The following CEP164 variants were observed in gnomAD, a reference collection of about 807,000 sequenced individuals.
The protein encoded by CEP164 is centrosomal protein of 164 kDa.
CEP164 carries 162 observed loss-of-function variants against 182.7 expected under a neutral mutation model. That is an observed-to-expected ratio of 0.89 (90% CI 0.78 to 1.01). CEP164 has a LOEUF of 1.01. Among genes scored for constraint, CEP164 ranks in the 50% least tolerant of loss-of-function variants. CEP164 has a pLI of 0.00. For synonymous variants in CEP164, 661 were observed against 690.0 expected, an observed-to-expected ratio of 0.96 and a Z score of 0.66; for missense variants, 1,735 against 1,790.4, an observed-to-expected ratio of 0.97 and a Z score of 0.56.
chr11:117,329,050 T>C (rs2035784959), intron 1 of CEP164, among the ~76,000 whole-genome samples: 1 of 152,226 alleles, frequency 6.6e-6, no homozygotes, highest in Non-Finnish European at 1.5e-5. Context: ...GCCTCAGTTC[T>C]TGTCCTCCTG....
intron 27 of CEP164, among the ~76,000 whole-genome samples, chr11:117,400,591 C>T (rs1181242346): frequency 6.6e-6 from 1 of 152,132 alleles, no homozygotes; most frequent in African/African-American, 2.4e-5. Flanking sequence ...TGGTCATTTT[C>T]ACAATATTGA....
chr11:117,397,185 C>A lies in CEP164; in HGVS notation c.3373C>A (p.Arg1125=), dbSNP rs372830445. The change falls in exon 27 of 33, where the codon CGG becomes AGG. Residue 1125 remains arginine (R), a synonymous_variant. Coordinates refer to ENST00000278935, the MANE Select transcript of CEP164 (RefSeq NM_014956.5). ...EFLVQQTRSM[R]RRQTALKAAQ... ...CCTTGTGCAGCAGACACGCTCCATG[C>A]GGAGGCGGCAGACAGCTCTGAAAGC... The A allele has an allele frequency of 1.2e-5, 19 of 1,614,044 alleles. No individual in the cohort carries two copies. In the East Asian group the frequency reaches 1.3e-4, roughly 11 times the overall value.
At chr11:117,357,471 G>A (rs1240794989) in intron 5 of CEP164, among the ~76,000 whole-genome samples, 1 of 150,552 alleles carries the variant, frequency 6.6e-6, no homozygotes, top group Non-Finnish European at 1.5e-5. Context: ...GCCCAGGCTG[G>A]AGTGCAATGG....
intron 23 of CEP164, 125 bp downstream of exon 23, chr11:117,395,316 G>GT (rs1201354505): frequency 8.1e-7 from 1 of 1,240,788 alleles, no homozygotes; most frequent in East Asian, 2.5e-5. Flanking sequence ...CTGTTGGCCA[G>GT]TATTCCACAA....
chr11:117,348,303 T>TA (rs111983606), intron 4 of CEP164, among the ~76,000 whole-genome samples: 1 of 152,002 alleles, frequency 6.6e-6, no homozygotes, highest in Non-Finnish European at 1.5e-5. Flanking sequence ...AATTGTCAAT[T>TA]AAAAAAAATC....
Position 117,409,206 on chromosome 11 carries a change from C to T in CEP164, c.3748+178C>T, listed in dbSNP as rs146279809. 5.1e-5 allele frequency: 42 copies of T among 825,106 alleles called. No homozygotes were observed. The African/African-American group carries it at 5.7e-4, about 11-fold the overall frequency. The allele number at this position is 825,106 out of a possible 1,614,324, so 51.1% of individuals were successfully genotyped here. A position where few individuals can be genotyped will look rare whatever the true frequency, so the allele number is the denominator to read the frequency against. On this transcript the variant is annotated intron_variant, in intron 29 of 32. Coordinates refer to ENST00000278935, the MANE Select transcript of CEP164 (RefSeq NM_014956.5). The surrounding 1 kb of genome is among the most constrained non-coding windows in gnomAD (Gnocchi z 4.4). ...ATCACACCATCTAGGTTTGCCAGCA[C>T]GTGGGGCTGAAAGGTCAGGGAAGCC...
chr11:117,392,502 T>C lies in CEP164; in HGVS notation c.2368T>C (p.Ser790Pro). 1 of 1,613,740 alleles carries C rather than the reference T, an allele frequency of 6.2e-7. No individual in the cohort carries two copies. Among genetic ancestry groups the C allele is most frequent in the South Asian group, 1.1e-5 (1 of 91,016 alleles). The part of the protein sequence containing the change: ...SLEAKHREVV[S>P]SLQKKIQEAQ... ...TGTGCGGGGGCCTCCTCAGGTGGTC[T>C]CCAGCCTCCAGAAGAAGATACAGGA... The change falls in exon 19 of 33, where the codon TCC (serine) becomes CCC (proline). Residue 790 changes from serine to proline, a missense_variant. Transcript: ENST00000278935.
chr11:117,373,947 A>G (rs1256242798), intron 10 of CEP164, 116 bp downstream of exon 10: 1 of 789,714 alleles, frequency 1.3e-6, no homozygotes, highest in Non-Finnish European at 2.1e-6. Flanking sequence ...TTTCGAACTC[A>G]TGCTTGAGTC....
intron 9 of CEP164, among the ~76,000 whole-genome samples, chr11:117,371,810 T>TC (rs59064485): frequency 4.6e-5 from 7 of 150,784 alleles, no homozygotes; most frequent in South Asian, 2.1e-4. Context: ...TTTTTTTTTT[T>TC]CTGTTGTTTT....
Position 117,391,088 on chromosome 11 carries a change from G to A in CEP164, c.2156G>A (p.Arg719Lys), listed in dbSNP as rs1565573660. 1 of 1,614,132 alleles carries A rather than the reference G, an allele frequency of 6.2e-7. No individual in the cohort carries two copies. Among genetic ancestry groups the A allele is most frequent in the Non-Finnish European group, 8.5e-7 (1 of 1,180,028 alleles). The change falls in exon 17 of 33, where the codon AGG (arginine) becomes AAG (lysine). Residue 719 changes from arginine to lysine, a missense_variant. By Grantham distance (26) the Arg-to-Lys change is conservative. Coordinates refer to ENST00000278935, the MANE Select transcript of CEP164 (RefSeq NM_014956.5). Reference sequence around the variant, plus strand: ...AGGGCCAGCTTGGAACAGAAAAATAGGCAAATGCTGGAGCAGCTCAAGGAA... The same window carrying A: ...AGGGCCAGCTTGGAACAGAAAAATAAGCAAATGCTGGAGCAGCTCAAGGAA... ...AERASLEQKN[R>K]QMLEQLKEEI...
At chr11:117,410,998 T>A (rs975784310) in intron 31 of CEP164, 104 bp downstream of exon 31, 1 of 1,055,000 alleles carries the variant, frequency 9.5e-7, no homozygotes, top group Non-Finnish European at 1.4e-6. Flanking sequence ...CTCCTGGTCT[T>A]ACCCCAAGAA....
At chr11:117,347,232 T>C (rs1204449235) in intron 4 of CEP164, among the ~76,000 whole-genome samples, 1 of 152,252 alleles carries the variant, frequency 6.6e-6, no homozygotes, top group Non-Finnish European at 1.5e-5. Context: ...GGGCTGTTTC[T>C]GGATCCTCTG....
intron 5 of CEP164, among the ~76,000 whole-genome samples, chr11:117,357,736 C>G (rs2040468088): frequency 6.6e-6 from 1 of 152,118 alleles, no homozygotes; most frequent in South Asian, 2.1e-4. Flanking sequence ...AGCTAATATT[C>G]TTATGAGAGA....
At chr11:117,348,648 G>A (rs1748301829) in intron 4 of CEP164, among the ~76,000 whole-genome samples, 1 of 152,130 alleles carries the variant, frequency 6.6e-6, no homozygotes, top group African/African-American at 2.4e-5. Context: ...TATATAACAT[G>A]AAATTTACCA....
intron 10 of CEP164, among the ~76,000 whole-genome samples, chr11:117,374,718 C>T (rs1281276807): frequency 6.6e-6 from 1 of 152,250 alleles, no homozygotes; most frequent in East Asian, 1.9e-4. Flanking sequence ...ACAGCTCTCT[C>T]GGAAGCAAGG....
chr11:117,390,642 G>GA (rs60684637), intron 15 of CEP164, 135 bp from the exon 16 acceptor site: 88,250 of 954,608 alleles, frequency 0.092, 76 homozygotes, highest in Non-Finnish European at 0.098. Context: ...TCTCCAAAAA[G>GA]AAAAAAAAAA....
chr11:117,370,271 A>G (rs1406888072), intron 8 of CEP164, among the ~76,000 whole-genome samples: 2 of 152,226 alleles, frequency 1.3e-5, no homozygotes, highest in African/African-American at 2.4e-5. Flanking sequence ...GCATGTACCC[A>G]GGAGGCTTTA....
chr11:117,375,069 C>G (rs2042596238), intron 10 of CEP164, among the ~76,000 whole-genome samples: 1 of 152,210 alleles, frequency 6.6e-6, no homozygotes, highest in Admixed American at 6.5e-5. Context: ...TCTCATTGTC[C>G]AGAGGGGAAC....
In CEP164 at chr11:117,389,553, C is replaced by T. The variant is rs368735715; in HGVS notation, c.1935-1224C>T. Among the ~76,000 whole-genome samples the T allele has an allele frequency of 1.8e-4, 28 of 152,296 alleles. No individual in the cohort carries two copies. The South Asian group carries it at 5.8e-3, about 32-fold the overall frequency. ...GAGATACAGAAGATGAATTATGATG[C>T]CATGTGACGCATGGTGCAGAGTAGC... On this transcript the variant is annotated intron_variant, in intron 15 of 32. Transcript: ENST00000278935.
Sources: gnomAD v4.1 joint callset for allele counts (sites outside exome capture counted in the v4.1 genomes callset) on GRCh38, gnomAD v4.1.1 for gene constraint, Gnocchi (gnomAD v3.1) non-coding constraint, MANE v1.5 for transcripts, NCBI Gene and HGNC (gene_info 2026-07-23, HGNC 2026-07-21) for gene names.